FGF14: variants seen among roughly 807,000 people sequenced by gnomAD.
The protein encoded by FGF14 is fibroblast growth factor 14.
A neutral mutation model predicts 25.5 loss-of-function variants in FGF14; 5 were observed. The ratio of observed to expected loss-of-function variants is 0.20; its 90% CI spans 0.10 to 0.41. FGF14 has a LOEUF of 0.41. Ranked by LOEUF, FGF14 falls within the 10% of genes least tolerant of loss-of-function variation. FGF14 has a pLI of 1.00. For synonymous variants in FGF14, 138 were observed against 118.3 expected (o/e 1.17, Z -1.08); for missense variants, 222 against 320.1 (o/e 0.69, Z 2.34).
chr13:102,026,299 G>T (rs1042386950), intron 1 of FGF14, among the ~76,000 whole-genome samples: 3 of 151,622 alleles, frequency 2.0e-5, no homozygotes. Flanking sequence ...TTTCCATTTG[G>T]TTATGGTATA....
chr13:102,096,001 G>GTATATATA (rs60775005), intron 1 of FGF14, among the ~76,000 whole-genome samples: 5 of 135,054 alleles, frequency 3.7e-5, no homozygotes, highest in African/African-American at 8.5e-5. Context: ...GTGTGTGTGT[G>GTATATATA]TATATATATA....
In FGF14 at chr13:102,001,131, G is replaced by C. The variant is rs544311917; in HGVS notation, c.209-125835C>G. Among the ~76,000 whole-genome samples, 10 of 152,240 alleles carry C rather than the reference G, an allele frequency of 6.6e-5. No individual in the cohort carries two copies. In the South Asian group the frequency reaches 1.9e-3, roughly 28 times the overall value. ...TAAAGTATTAAATGTTATGATATAG[G>C]CAGCAGCAGGAGCAGAACAATTAAA... On this transcript the variant is annotated intron_variant, in intron 1 of 4. Coordinates refer to the FGF14 transcript ENST00000376131.
intron 1 of FGF14, among the ~76,000 whole-genome samples, chr13:102,082,372 G>A (rs1387559068): frequency 6.6e-6 from 1 of 152,126 alleles, no homozygotes; most frequent in Non-Finnish European, 1.5e-5. Context: ...AGAGAAAGCA[G>A]TGATAACATA....
chr13:101,999,889 G>C (rs920338301), intron 1 of FGF14, among the ~76,000 whole-genome samples: 1 of 152,204 alleles, frequency 6.6e-6, no homozygotes, highest in East Asian at 1.9e-4. Flanking sequence ...TCCACTCAAA[G>C]GGGGTTTCTC....
intron 1 of FGF14, among the ~76,000 whole-genome samples, chr13:102,117,692 G>A (rs556197054): frequency 2.0e-5 from 3 of 152,252 alleles, no homozygotes; most frequent in Admixed American, 6.5e-5. Flanking sequence ...CAAAGAGAGC[G>A]GTGTTGGAAT....
chr13:102,056,181 T>C (rs1297924057), intron 1 of FGF14, among the ~76,000 whole-genome samples: 1 of 152,212 alleles, frequency 6.6e-6, no homozygotes, highest in African/African-American at 2.4e-5. Flanking sequence ...TGCACTACAA[T>C]GACAGAGTTG....
intron 2 of FGF14, 89 bp from the exon 3 acceptor site, chr13:101,868,917 A>C: frequency 1.2e-6 from 1 of 854,116 alleles, no homozygotes; most frequent in Non-Finnish European, 2.0e-6. Context: ...TTATTTAAGA[A>C]ACATCATCTT....
chr13:101,754,742 T>A (rs1181574073), intron 3 of FGF14, among the ~76,000 whole-genome samples: 3 of 151,808 alleles, frequency 2.0e-5, no homozygotes, highest in East Asian at 3.9e-4. Context: ...AAGAAAAAAA[T>A]AATAATAATT....
chr13:102,149,435 T>TGA lies in FGF14; in HGVS notation c.208+252034_208+252035dup, dbSNP rs375998726. Among the ~76,000 whole-genome samples the TGA allele has an allele frequency of 3.7e-3, 566 of 152,134 alleles. 5 individuals carry two copies. The highest frequency in any genetic ancestry group is 0.012 in the African/African-American group (497 of 41,488). On this transcript the variant is annotated intron_variant, in intron 1 of 4. Coordinates refer to the FGF14 transcript ENST00000376131. ...TATTATACAACTACACACAGTACTG[T>TGA]GAGAGAGAGACAGAGACTGAAGACC...
rs564519231 is a variant in FGF14, at chr13:101,720,373, A to G, written c.*2458T>C. ...GGATAAATGCCCTTATAGACACCCC[A>G]TATATAAAACACAACAGAGATACAC... On this transcript the variant is annotated 3_prime_UTR_variant, in exon 5 of 5. Transcript: ENST00000376143. 23 of 152,278 alleles carry G rather than the reference A, an allele frequency of 1.5e-4. No homozygotes were observed. The highest frequency in any genetic ancestry group is 5.3e-4 in the African/African-American group (22 of 41,584). 9.4% of individuals were successfully genotyped at this position (152,278 alleles called of 1,614,324 possible).
At chr13:101,944,424 ACCAAAT>A (rs2035677884) in intron 1 of FGF14, among the ~76,000 whole-genome samples, 1 of 152,108 alleles carries the variant, frequency 6.6e-6, no homozygotes, top group East Asian at 1.9e-4. Context: ...TCCTTCCCAA[ACCAAAT>A]CCAATTGTGT....
intron 3 of FGF14, among the ~76,000 whole-genome samples, chr13:101,742,716 G>C (rs1040024563): frequency 3.9e-5 from 6 of 152,122 alleles, no homozygotes; most frequent in Non-Finnish European, 8.8e-5. Context: ...TCAAAGGGAA[G>C]AGTCAAGCTG....
intron 1 of FGF14, among the ~76,000 whole-genome samples, chr13:102,258,358 G>A (rs1327214907): frequency 6.6e-6 from 1 of 152,068 alleles, no homozygotes; most frequent in Non-Finnish European, 1.5e-5. Flanking sequence ...GTGTGGCCAG[G>A]AGGCCAAGCG....
At chr13:102,274,907 A>T (rs182157107) in intron 1 of FGF14, among the ~76,000 whole-genome samples, 3 of 151,038 alleles carry the variant, frequency 2.0e-5, no homozygotes, top group Admixed American at 6.6e-5. Flanking sequence ...AATAATAAAT[A>T]ATTATTTATT....
Position 101,738,388 on chromosome 13 carries a change from T to C in FGF14, c.409-11578A>G, listed in dbSNP as rs999840190. ...CTGATAAGAATCAGCAACACTGAAT[T>C]TGTGGAATACAAAGGAAGCCCACAT... On this transcript the variant is annotated intron_variant, in intron 3 of 4. Transcript: ENST00000376143. Among the ~76,000 whole-genome samples the C allele has an allele frequency of 2.0e-5, 3 of 152,206 alleles. No homozygotes were observed. The South Asian group carries it at 6.2e-4, about 31-fold the overall frequency.
intron 1 of FGF14, among the ~76,000 whole-genome samples, chr13:102,325,837 T>C (rs2056407535): frequency 6.6e-6 from 1 of 152,226 alleles, no homozygotes; most frequent in African/African-American, 2.4e-5. Context: ...TTGTGTTTGT[T>C]TTCATTCATC....
intron 1 of FGF14, among the ~76,000 whole-genome samples, chr13:101,993,169 G>A (rs1372098741): frequency 1.4e-5 from 2 of 146,580 alleles, no homozygotes; most frequent in Admixed American, 6.9e-5. Context: ...AGAAAGTAGA[G>A]TAAAATATTT....
Position 102,081,986 on chromosome 13 carries a change from A to G in FGF14, c.209-206690T>C, listed in dbSNP as rs1038778924. Among the ~76,000 whole-genome samples the G allele has an allele frequency of 3.3e-5, 5 of 152,326 alleles. No homozygotes were observed. In the South Asian group the frequency reaches 8.3e-4, roughly 25 times the overall value. On this transcript the variant is annotated intron_variant, in intron 1 of 4. Transcript: ENST00000376131. The stretch of plus-strand genomic sequence containing the variant: ...AAGTAACAAACATTTAAAATTAGCT[A>G]TAATTATTTAAGCAGTCAAAACAAA...
intron 3 of FGF14, among the ~76,000 whole-genome samples, chr13:101,735,988 T>C (rs1337381024): frequency 2.6e-5 from 4 of 152,172 alleles, no homozygotes; most frequent in African/African-American, 9.7e-5. Flanking sequence ...TCTGAGTAAA[T>C]AATGTCAACA....
Sources: allele counts gnomAD v4.1 joint callset (sites outside exome capture counted in the v4.1 genomes callset), GRCh38; gene constraint gnomAD v4.1.1; transcripts MANE v1.5; gene names NCBI Gene and HGNC (gene_info 2026-07-23, HGNC 2026-07-21).